B3GLCT: variants seen among roughly 807,000 people sequenced by gnomAD.
B3GLCT encodes the protein beta 3-glucosyltransferase.
B3GLCT carries 65 observed loss-of-function variants against 63.4 expected under a neutral mutation model. The ratio of observed to expected loss-of-function variants is 1.03; its 90% confidence interval spans 0.84 to 1.26. The LOEUF is 1.26. Ranked by LOEUF, B3GLCT falls within the 50% of genes most tolerant of loss-of-function variation. B3GLCT has a pLI of 0.00. For synonymous variants in B3GLCT, 233 were observed against 219.2 expected (o/e 1.06, Z -0.55); for missense variants, 577 against 604.8 (o/e 0.95, Z 0.48).
chr13:31,220,955 C>T lies in B3GLCT; in HGVS notation c.121-1997C>T, dbSNP rs567167249. Reference sequence around the variant, plus strand: ...GCTTTCTATATTATTTTTTAGCTCACTCTCAAAATCTATTCACATCTAATG... The same window carrying T: ...GCTTTCTATATTATTTTTTAGCTCATTCTCAAAATCTATTCACATCTAATG... On this transcript the variant is annotated intron_variant, in intron 2 of 14. Coordinates refer to ENST00000343307, the MANE Select transcript of B3GLCT (RefSeq NM_194318.4). Among the ~76,000 whole-genome samples the T allele has an allele frequency of 2.6e-5, 4 of 152,206 alleles. No individual in the cohort carries two copies. The East Asian group carries it at 7.7e-4, about 29-fold the overall frequency.
intron 1 of B3GLCT, among the ~76,000 whole-genome samples, chr13:31,201,589 C>T (rs1172122002): frequency 6.6e-6 from 1 of 152,102 alleles, no homozygotes; most frequent in East Asian, 1.9e-4. Flanking sequence ...GGCTTGTTGC[C>T]TGGATGTTTT....
intron 2 of B3GLCT, 95 bp downstream of exon 2, chr13:31,215,195 AT>A: frequency 8.0e-7 from 1 of 1,248,006 alleles, no homozygotes; most frequent in Non-Finnish European, 1.2e-6. Flanking sequence ...TTCAATTGTT[AT>A]TTTTATTGTT....
At chr13:31,263,915 T>TA (rs947049159) in intron 7 of B3GLCT, among the ~76,000 whole-genome samples, 3 of 152,096 alleles carry the variant, frequency 2.0e-5, no homozygotes, top group South Asian at 4.2e-4. Context: ...TGGGCTGCTA[T>TA]AAAAAAATGC....
chr13:31,267,875 CAG>C (rs1348637197), intron 7 of B3GLCT, among the ~76,000 whole-genome samples: 1 of 147,880 alleles, frequency 6.8e-6, no homozygotes, highest in African/African-American at 2.5e-5. Context: ...CTTTTCGAGA[CAG>C]GGTCTCTGTT....
intron 6 of B3GLCT, among the ~76,000 whole-genome samples, chr13:31,251,757 G>A (rs543205844): frequency 6.6e-5 from 10 of 152,334 alleles, no homozygotes; most frequent in African/African-American, 2.4e-4. Context: ...GTACCTGAAA[G>A]TGATGGCGAG....
chr13:31,266,140 G>T (rs940436764), intron 7 of B3GLCT, among the ~76,000 whole-genome samples: 8 of 152,136 alleles, frequency 5.3e-5, no homozygotes, highest in African/African-American at 1.9e-4. Flanking sequence ...TGGGACTGCA[G>T]GTGCCCGCCA....
intron 9 of B3GLCT, among the ~76,000 whole-genome samples, chr13:31,275,784 G>GACAC (rs142413523): frequency 1.3e-5 from 2 of 151,602 alleles, no homozygotes; most frequent in Non-Finnish European, 2.9e-5. Context: ...TAAATACATA[G>GACAC]ACACACACAC....
intron 12 of B3GLCT, among the ~76,000 whole-genome samples, chr13:31,302,169 G>T (rs796139762): frequency 6.6e-6 from 1 of 152,158 alleles, no homozygotes; most frequent in East Asian, 1.9e-4. Flanking sequence ...ATTTGATAAG[G>T]CTTCTGGAAC....
At chr13:31,269,600 T>C (rs375963735) in intron 8 of B3GLCT, among the ~76,000 whole-genome samples, 162 of 152,252 alleles carry the variant, frequency 1.1e-3, no homozygotes, top group African/African-American at 3.7e-3. Context: ...ACTTGATGCT[T>C]CGGTTGTACG....
intron 5 of B3GLCT, 44 bp downstream of exon 5, chr13:31,247,143 T>TG (rs1351445504): frequency 2.8e-6 from 4 of 1,444,672 alleles, no homozygotes; most frequent in Non-Finnish European, 3.9e-6. Flanking sequence ...CATTCCTACC[T>TG]GAACACTTTT....
In B3GLCT at chr13:31,246,950, T is replaced by TG; in HGVS notation, c.271-73_271-72insG. 8.1e-6 allele frequency: 8 copies of TG among 987,016 alleles called. No individual in the cohort carries two copies. In the East Asian group the frequency reaches 2.1e-4, roughly 26 times the overall value. 61.1% of individuals were successfully genotyped at this position (987,016 alleles called of 1,614,324 possible). ...TTTTCTTTTTTCTTTTCTTTTCTTT[T>TG]CTTTTTTTTTTTTTTTACTTTTTTT... On this transcript the variant is annotated intron_variant, in intron 4 of 14. Transcript: ENST00000343307.
chr13:31,223,692 G>T (rs1869944544), intron 3 of B3GLCT, among the ~76,000 whole-genome samples: 2 of 152,310 alleles, frequency 1.3e-5, no homozygotes, highest in Middle Eastern at 3.4e-3. Context: ...GGGTGAGTTT[G>T]TCCTTGAAGG....
At chr13:31,206,279 C>A (rs192847783) in intron 1 of B3GLCT, among the ~76,000 whole-genome samples, 1 of 152,256 alleles carries the variant, frequency 6.6e-6, no homozygotes, top group East Asian at 1.9e-4. Context: ...TGTTAAAATG[C>A]AGATTCCTGC....
At chr13:31,218,548 A>G (rs1188031332) in intron 2 of B3GLCT, among the ~76,000 whole-genome samples, 1 of 152,162 alleles carries the variant, frequency 6.6e-6, no homozygotes, top group Non-Finnish European at 1.5e-5. Context: ...GTGTATGGAA[A>G]TGCTACTGAT....
At chr13:31,235,264 G>A (rs1870589989) in intron 4 of B3GLCT, among the ~76,000 whole-genome samples, 1 of 152,110 alleles carries the variant, frequency 6.6e-6, no homozygotes, top group African/African-American at 2.4e-5. Flanking sequence ...TCTGAAGTGA[G>A]GGTGTGAGTA....
intron 3 of B3GLCT, among the ~76,000 whole-genome samples, chr13:31,225,869 C>G (rs988735439): frequency 6.6e-6 from 1 of 152,200 alleles, no homozygotes; most frequent in Non-Finnish European, 1.5e-5. Flanking sequence ...AGTGATTAAT[C>G]TAGAGCCCAA....
At chr13:31,269,403 T>C in intron 8 of B3GLCT, 126 bp downstream of exon 8, 1 of 671,774 alleles carries the variant, frequency 1.5e-6, no homozygotes, top group South Asian at 1.7e-5. Context: ...ACAGAGATAA[T>C]TTCATAGCAC....
chr13:31,275,826 G>A (rs1410836102), intron 9 of B3GLCT, among the ~76,000 whole-genome samples: 1 of 152,086 alleles, frequency 6.6e-6, no homozygotes, highest in African/African-American at 2.4e-5. Flanking sequence ...AAAACACAGT[G>A]CAGCATTGAG....
intron 6 of B3GLCT, among the ~76,000 whole-genome samples, chr13:31,258,142 G>A (rs574048172): frequency 2.6e-5 from 4 of 152,260 alleles, no homozygotes; most frequent in Admixed American, 2.0e-4. Context: ...AAGGAACTGA[G>A]GGAGTCAGCC....
Sources: gnomAD v4.1 joint callset for allele counts (sites outside exome capture counted in the v4.1 genomes callset) on GRCh38, gnomAD v4.1.1 for gene constraint, MANE v1.5 for transcripts, NCBI Gene and HGNC (gene_info 2026-07-23, HGNC 2026-07-21) for gene names.